CASC3: variants seen among roughly 807,000 people sequenced by gnomAD.
CASC3 encodes the protein CASC3 exon junction complex subunit.
Under a neutral mutation model 80.5 loss-of-function variants are expected in CASC3, and 30 were observed. That is an observed-to-expected ratio of 0.37 (90% confidence interval 0.28 to 0.51). The LOEUF (loss-of-function observed/expected upper bound fraction) is 0.51, where lower values mean the gene tolerates loss of function less well. Among genes scored for constraint, CASC3 ranks in the 20% least tolerant of loss-of-function variants. The pLI is 0.94. For missense variants in CASC3, 824 were observed against 922.2 expected, an observed-to-expected ratio of 0.89 and a Z score of 1.38; for synonymous variants, 312 against 333.6, an observed-to-expected ratio of 0.94 and a Z score of 0.70.
chr17:40,163,439 T>C, intron 6 of CASC3, 42 bp from the exon 7 acceptor site: 1 of 1,555,004 alleles, frequency 6.4e-7, no homozygotes, highest in Non-Finnish European at 8.7e-7. Flanking sequence ...GTAGCCTCCT[T>C]TTGTTAATTT....
At chr17:40,148,252 A>G (rs961272843) in intron 3 of CASC3, among the ~76,000 whole-genome samples, 18 of 151,856 alleles carry the variant, frequency 1.2e-4, no homozygotes, top group Non-Finnish European at 2.1e-4. Flanking sequence ...TCCCTGTCCT[A>G]CTGAATTTGG....
chr17:40,155,284 T>C (rs1420302636), intron 3 of CASC3, among the ~76,000 whole-genome samples: 2 of 151,074 alleles, frequency 1.3e-5, no homozygotes, highest in African/African-American at 4.9e-5. Context: ...TGAGATGGAG[T>C]CTCATTCTGT....
At chr17:40,144,730 G>A (rs1452936669) in intron 3 of CASC3, among the ~76,000 whole-genome samples, 1 of 145,760 alleles carries the variant, frequency 6.9e-6, no homozygotes, top group South Asian at 2.2e-4. Context: ...AGGCTGGAGT[G>A]CAGTTGTGGG....
At chr17:40,159,707 G>T (rs1165314302) in intron 3 of CASC3, among the ~76,000 whole-genome samples, 11 of 146,076 alleles carry the variant, frequency 7.5e-5, no homozygotes, top group Non-Finnish European at 1.5e-4. Flanking sequence ...ACCATTCCTG[G>T]CGAATTTTTT....
intron 8 of CASC3, 40 bp from the exon 9 acceptor site, chr17:40,167,458 T>C (rs776879405): frequency 2.1e-6 from 3 of 1,455,680 alleles, no homozygotes; most frequent in Admixed American, 1.7e-5. Flanking sequence ...ATGAGAGCCC[T>C]CTAGAATTCT....
At chr17:40,165,230 A>G (rs544467630) in intron 7 of CASC3, among the ~76,000 whole-genome samples, 1 of 149,468 alleles carries the variant, frequency 6.7e-6, no homozygotes, top group African/African-American at 2.5e-5. Flanking sequence ...GCCCACACCT[A>G]ATTTTTGTAT....
rs1003565356 is a variant in CASC3 at position 40,166,046 on chromosome 17, A to G, written c.1472-751A>G. ...CACCCAGAGTGCTGGGCTTATAAGCATGAGCCACTGCATCCAGCCGGAATT... is the reference window on the plus strand; with the variant it reads ...CACCCAGAGTGCTGGGCTTATAAGCGTGAGCCACTGCATCCAGCCGGAATT... On this transcript the variant is annotated intron_variant, in intron 7 of 13. Coordinates refer to ENST00000264645, the MANE Select transcript of CASC3 (RefSeq NM_007359.5). Among the ~76,000 whole-genome samples the G allele has an allele frequency of 2.0e-5, 3 of 152,140 alleles. No individual in the cohort carries two copies. The East Asian group carries it at 5.8e-4, about 29-fold the overall frequency.
chr17:40,145,514 A>G (rs1456348889), intron 3 of CASC3, among the ~76,000 whole-genome samples: 1 of 152,016 alleles, frequency 6.6e-6, no homozygotes, highest in Admixed American at 6.6e-5. Flanking sequence ...TAGAGAAGAT[A>G]GAGAGCGTTT....
intron 5 of CASC3, among the ~76,000 whole-genome samples, 164 bp downstream of exon 5, chr17:40,162,317 T>C (rs537717416): frequency 1.3e-5 from 2 of 152,296 alleles, no homozygotes; most frequent in African/African-American, 2.4e-5. Flanking sequence ...TTGGTAACTC[T>C]TGGTGAGGCA....
Position 40,140,626 on chromosome 17 carries a change from C to T in CASC3, c.78C>T (p.Gly26=). The T allele has an allele frequency of 6.2e-7, 1 of 1,609,060 alleles. No homozygotes were observed. Among genetic ancestry groups the T allele is most frequent in the South Asian group, 1.1e-5 (1 of 91,006 alleles). Residue 26 remains glycine (G), a synonymous_variant, in exon 1 of 14, where the codon GGC becomes GGT. Coordinates refer to ENST00000264645, the MANE Select transcript of CASC3 (RefSeq NM_007359.5). ...EESGASGSDS[G]GSPLRGGGSC... Reference sequence around the variant, plus strand: ...CTGGTGCTTCGGGCTCCGACAGCGGCGGCTCCCCGTTGCGGGGAGGCGGGA... The same window carrying T: ...CTGGTGCTTCGGGCTCCGACAGCGGTGGCTCCCCGTTGCGGGGAGGCGGGA...
chr17:40,141,396 T>C, intron 2 of CASC3, 162 bp downstream of exon 2: 4 of 840,472 alleles, frequency 4.8e-6, no homozygotes, highest in Non-Finnish European at 7.9e-6. Context: ...AGCAGTATAG[T>C]CTTCAGCAAG....
At chr17:40,164,426 G>A (rs529537134) in intron 7 of CASC3, among the ~76,000 whole-genome samples, 1 of 150,286 alleles carries the variant, frequency 6.7e-6, no homozygotes, top group Non-Finnish European at 1.5e-5. Flanking sequence ...ACCACGCCCA[G>A]CTAATTTTTT....
At chr17:40,160,625 CTGTTTTTT>C (rs961910763) in intron 3 of CASC3, among the ~76,000 whole-genome samples, 2 of 152,058 alleles carry the variant, frequency 1.3e-5, no homozygotes, top group Non-Finnish European at 2.9e-5. Context: ...GAGGCTGCCG[CTGTTTTTT>C]TGTTTTTTTG....
At chr17:40,145,800 T>G (rs1326318370) in intron 3 of CASC3, among the ~76,000 whole-genome samples, 2 of 152,122 alleles carry the variant, frequency 1.3e-5, no homozygotes, top group African/African-American at 4.8e-5. Context: ...TTGTTTGTTT[T>G]TTTAATTTTT....
intron 3 of CASC3, among the ~76,000 whole-genome samples, chr17:40,158,112 C>G (rs1449475706): frequency 6.6e-6 from 1 of 152,236 alleles, no homozygotes; most frequent in Middle Eastern, 3.4e-3. Context: ...CTTGTTCCAG[C>G]GTCAACTATA....
chr17:40,155,480 C>T (rs1000663854), intron 3 of CASC3, among the ~76,000 whole-genome samples: 61 of 152,224 alleles, frequency 4.0e-4, no homozygotes, highest in Middle Eastern at 6.8e-3. Context: ...CATAGCAGTT[C>T]TAGGTAAGAC....
intron 3 of CASC3, among the ~76,000 whole-genome samples, chr17:40,154,555 A>G (rs1167138886): frequency 6.6e-6 from 1 of 150,544 alleles, no homozygotes. Flanking sequence ...TTTAATTGAG[A>G]TGTAAGAGTT....
At chr17:40,152,157 A>G (rs965325086) in intron 3 of CASC3, among the ~76,000 whole-genome samples, 5 of 152,146 alleles carry the variant, frequency 3.3e-5, no homozygotes, top group African/African-American at 1.2e-4. Context: ...CATGGTTTAA[A>G]AAGAGACAGA....
At chr17:40,162,409 G>A (rs1051763569) in intron 5 of CASC3, among the ~76,000 whole-genome samples, 1 of 152,090 alleles carries the variant, frequency 6.6e-6, no homozygotes, top group African/African-American at 2.4e-5. Flanking sequence ...TTAGTCTGAG[G>A]TGTAAGGCGT....
Sources: allele counts gnomAD v4.1 joint callset (sites outside exome capture counted in the v4.1 genomes callset), GRCh38; gene constraint gnomAD v4.1.1; transcripts MANE v1.5; gene names NCBI Gene and HGNC (gene_info 2026-07-23, HGNC 2026-07-21).